Variants in CENPO observed in about 807,000 individuals in gnomAD.
CENPO encodes the protein centromere protein O.
CENPO carries 30 observed loss-of-function variants against 36.1 expected under a neutral mutation model. The ratio of observed to expected loss-of-function variants is 0.83; its 90% CI spans 0.62 to 1.13. The LOEUF (loss-of-function observed/expected upper bound fraction) is 1.13, where lower values mean the gene tolerates loss of function less well. Among genes scored for constraint, CENPO ranks in the 50% most tolerant of loss-of-function variants. The probability of loss-of-function intolerance (pLI) is 0.00; values close to 1 mark genes in which losing one functional copy is unlikely to be tolerated. For synonymous variants in CENPO, 171 were observed against 142.3 expected (o/e 1.20, Z -1.44); for missense variants, 349 against 357.8 (o/e 0.98, Z 0.20).
chr2:24,797,461 T>G (rs951270408), intron 2 of CENPO, among the ~76,000 whole-genome samples: 1 of 152,142 alleles, frequency 6.6e-6, no homozygotes, highest in Non-Finnish European at 1.5e-5. Flanking sequence ...TGTATGGCCA[T>G]TAAGGCTGTG....
chr2:24,804,752 C>G (rs565001502), intron 3 of CENPO, among the ~76,000 whole-genome samples: 104 of 152,214 alleles, frequency 6.8e-4, no homozygotes, highest in African/African-American at 2.5e-3. Flanking sequence ...CTCTGGCTGC[C>G]CTTACATTTT....
intron 3 of CENPO, among the ~76,000 whole-genome samples, chr2:24,803,749 C>G (rs527302074): frequency 2.7e-4 from 41 of 152,074 alleles, no homozygotes; most frequent in South Asian, 1.0e-3. Context: ...TTACTTCCAA[C>G]TATGTGGTCA....
At position 24,799,758 on chromosome 2, in the gene CENPO, C is replaced by T; in HGVS notation, c.130C>T (p.Gln44Ter). Residue 44 changes from glutamine to a stop codon, truncating the protein, a stop_gained, in exon 3 of 8, where the codon CAG becomes TAG. Coordinates refer to ENST00000380834, the MANE Select transcript of CENPO (RefSeq NM_001322101.2). LOFTEE classifies it high-confidence loss of function. The stretch of plus-strand genomic sequence containing the variant: ...TGAAGAGCTGCAGAGCGTGCAGGCC[C>T]AGGAAGGTGCTCTTGGAACCAAGAT... The part of the protein sequence containing the change: ...QSEELQSVQA[Q>*]EGALGTKIHK... 1.2e-6 allele frequency: 2 copies of T among 1,614,044 alleles called. No individual in the cohort carries two copies. The highest frequency in any genetic ancestry group is 1.7e-6 in the Non-Finnish European group (2 of 1,180,024).
intron 1 of CENPO, 100 bp downstream of exon 1, chr2:24,793,601 C>T (rs1572715503): frequency 6.9e-7 from 1 of 1,447,724 alleles, no homozygotes; most frequent in Non-Finnish European, 9.1e-7. Flanking sequence ...CTTCCGTGGC[C>T]GGGAAGCCCG....
chr2:24,799,604 C>G (rs1006516049), intron 2 of CENPO, 71 bp from the exon 3 acceptor site: 2 of 1,286,872 alleles, frequency 1.6e-6, no homozygotes, highest in Non-Finnish European at 1.1e-6. Context: ...CTGTTCTTCC[C>G]TGAGATGCTT....
chr2:24,794,113 G>T (rs1183224615), intron 2 of CENPO, 148 bp downstream of exon 2: 8 of 706,670 alleles, frequency 1.1e-5, no homozygotes, highest in Non-Finnish European at 2.0e-5. Flanking sequence ...CAAAGGGACA[G>T]GCAGCCAAGA....
intron 2 of CENPO, among the ~76,000 whole-genome samples, chr2:24,794,385 A>G (rs1665786739): frequency 6.6e-6 from 1 of 152,218 alleles, no homozygotes; most frequent in Admixed American, 6.5e-5. Context: ...TAGGCAAGTC[A>G]CTTTATTCTC....
intron 4 of CENPO, 127 bp downstream of exon 4, chr2:24,814,620 TCACACACA>T (rs10618594): frequency 1.6e-5 from 9 of 545,844 alleles, no homozygotes; most frequent in African/African-American, 1.3e-4. Context: ...CCCTCATCAC[TCACACACA>T]CACACACACA....
Position 24,820,514 on chromosome 2 carries a change from C to T in CENPO, c.*1196C>T. On this transcript the variant is annotated 3_prime_UTR_variant, in exon 8 of 8. Coordinates refer to ENST00000380834, the MANE Select transcript of CENPO (RefSeq NM_001322101.2). The stretch of plus-strand genomic sequence containing the variant: ...AAAGGTAGGCCATATGCATCTAGAA[C>T]TTCAGCCCAGATTTTGTGGATGGGT... The T allele has an allele frequency of 7.1e-7, 1 of 1,410,840 alleles. No individual in the cohort carries two copies. Among genetic ancestry groups the T allele is most frequent in the East Asian group, 2.6e-5 (1 of 38,352 alleles). The allele number at this position is 1,410,840 out of a possible 1,614,324, so 87.4% of individuals were successfully genotyped here.
chr2:24,794,975 A>G (rs556852988), intron 2 of CENPO, among the ~76,000 whole-genome samples: 3 of 152,344 alleles, frequency 2.0e-5, no homozygotes, highest in Admixed American at 2.0e-4. Flanking sequence ...ATAACAGAGA[A>G]GTAACTATAT....
At chr2:24,796,164 G>A (rs1665889972) in intron 2 of CENPO, among the ~76,000 whole-genome samples, 1 of 151,930 alleles carries the variant, frequency 6.6e-6, no homozygotes, top group African/African-American at 2.4e-5. Flanking sequence ...GACCAGTCTG[G>A]CTAACATAGT....
In CENPO at chr2:24,812,967, C is replaced by T. The variant is rs945733893; in HGVS notation, c.217-1409C>T. On this transcript the variant is annotated intron_variant, in intron 3 of 7. Transcript: ENST00000380834. ...TGTGTATGAAAAAATATACGGAGGT[C>T]AGGTGCTGTGGCTCACGCCTGTAAT... 2.8e-5 allele frequency among the ~76,000 whole-genome samples: 4 copies of T among 142,444 alleles called. No homozygotes were observed. In the East Asian group the frequency reaches 8.7e-4, roughly 31 times the overall value. The allele number at this position is 142,444 out of a possible 152,430, so 93.4% of individuals were successfully genotyped here.
At chr2:24,795,741 G>C (rs1384345014) in intron 2 of CENPO, among the ~76,000 whole-genome samples, 2 of 152,174 alleles carry the variant, frequency 1.3e-5, no homozygotes, top group Non-Finnish European at 2.9e-5. Context: ...ATGTGTGCGT[G>C]CTTTTCAGAT....
intron 3 of CENPO, among the ~76,000 whole-genome samples, chr2:24,805,624 A>G (rs988670118): frequency 6.6e-6 from 1 of 152,174 alleles, no homozygotes; most frequent in Non-Finnish European, 1.5e-5. Context: ...TCAGCAGCGG[A>G]GGTTGCAGAG....
intron 4 of CENPO, chr2:24,814,877 C>G (rs1432576093): frequency 1.1e-5 from 2 of 188,792 alleles, no homozygotes; most frequent in Non-Finnish European, 2.2e-5. Flanking sequence ...ATTCTCCCAT[C>G]TATGCCACAA....
intron 3 of CENPO, among the ~76,000 whole-genome samples, chr2:24,807,211 A>G (rs1176774071): frequency 1.3e-5 from 2 of 152,130 alleles, no homozygotes; most frequent in African/African-American, 2.4e-5. Flanking sequence ...GAAGTGCACT[A>G]TGACAGAGAT....
rs536653820 is a variant in CENPO, at chr2:24,811,962, C to G, written c.217-2414C>G. Among the ~76,000 whole-genome samples the G allele has an allele frequency of 5.9e-5, 9 of 152,280 alleles. No individual in the cohort carries two copies. In the East Asian group the frequency reaches 1.2e-3, roughly 20 times the overall value. On this transcript the variant is annotated intron_variant, in intron 3 of 7. Coordinates refer to ENST00000380834, the MANE Select transcript of CENPO (RefSeq NM_001322101.2). ...TCAATCTACCATAGTATTTTATTGT[C>G]TTATTTGTCACGTATAGTCAACATT...
At chr2:24,809,550 T>C (rs1274035200) in intron 3 of CENPO, among the ~76,000 whole-genome samples, 1 of 152,096 alleles carries the variant, frequency 6.6e-6, no homozygotes, top group Non-Finnish European at 1.5e-5. Flanking sequence ...ATTTTTTCTT[T>C]TTTGTTTTTT....
At chr2:24,793,638 G>A in intron 1 of CENPO, 137 bp downstream of exon 1, 1 of 1,364,318 alleles carries the variant, frequency 7.3e-7, no homozygotes, top group Non-Finnish European at 9.8e-7. Context: ...GTGGCCTCGG[G>A]AGCGCGCCGG....
Sources: allele counts gnomAD v4.1 joint callset (sites outside exome capture counted in the v4.1 genomes callset), GRCh38; gene constraint gnomAD v4.1.1; transcripts MANE v1.5; gene names NCBI Gene and HGNC (gene_info 2026-07-23, HGNC 2026-07-21).